The following RNFT2 variants were observed in gnomAD, a reference collection of about 807,000 sequenced individuals.
RNFT2 encodes the protein E3 ubiquitin-protein ligase RNFT2.
RNFT2 carries 36 observed loss-of-function variants against 53.0 expected under a neutral mutation model. The ratio of observed to expected loss-of-function variants is 0.68; its 90% confidence interval spans 0.52 to 0.90. The LOEUF is 0.90. Among genes scored for constraint, RNFT2 ranks in the 40% least tolerant of loss-of-function variants. The pLI is 0.00. For missense variants in RNFT2, 514 were observed against 585.6 expected (o/e 0.88, Z 1.26); for synonymous variants, 260 against 253.2 (o/e 1.03, Z -0.26).
intron 7 of RNFT2, among the ~76,000 whole-genome samples, chr12:116,810,709 A>AGCAAGGC (rs1193030898): frequency 4.6e-5 from 7 of 152,172 alleles, no homozygotes; most frequent in Non-Finnish European, 8.8e-5. Flanking sequence ...TCAATGATTA[A>AGCAAGGC]GCAAGGCAGC....
chr12:116,743,230 A>AAAAAAAAAAAAC (rs1871713390), intron 3 of RNFT2, among the ~76,000 whole-genome samples: 2 of 120,768 alleles, frequency 1.7e-5, no homozygotes, highest in Non-Finnish European at 3.4e-5. Context: ...AAAAAAAAAA[A>AAAAAAAAAAAAC]AAAAAAAAAA....
rs1410266758 is a variant in RNFT2, at chr12:116,786,407, G to A, written c.882+7059G>A. ...ATTACAGGCATGAGCCACCGCGCCC[G>A]GCCGAGATCGGGTAGTTCTTACAGT... On this transcript the variant is annotated intron_variant, in intron 7 of 10. Transcript: ENST00000257575. 9.9e-5 allele frequency among the ~76,000 whole-genome samples: 15 copies of A among 152,232 alleles called. No homozygotes were observed. The East Asian group carries it at 1.7e-3, about 18-fold the overall frequency.
chr12:116,779,734 A>T (rs1164560112), intron 7 of RNFT2, among the ~76,000 whole-genome samples: 1 of 152,130 alleles, frequency 6.6e-6, no homozygotes, highest in Non-Finnish European at 1.5e-5. Context: ...CCAGGAGTTC[A>T]TTTTATAGAG....
At chr12:116,845,108 G>T (rs1877535150) in intron 10 of RNFT2, among the ~76,000 whole-genome samples, 1 of 151,942 alleles carries the variant, frequency 6.6e-6, no homozygotes, top group Middle Eastern at 3.4e-3. Flanking sequence ...GCCAGGCATG[G>T]TGGCACGTGC....
At position 116,826,890 on chromosome 12, in the gene RNFT2, T is replaced by C. The variant is rs146567981; in HGVS notation, c.883-6902T>C. Among the ~76,000 whole-genome samples the C allele has an allele frequency of 2.5e-3, 383 of 152,284 alleles. 3 individuals are homozygous for C. Among genetic ancestry groups the C allele is most frequent in the African/African-American group, 8.6e-3 (357 of 41,558 alleles). On this transcript the variant is annotated intron_variant, in intron 7 of 10. Transcript: ENST00000257575. ...ACAGTCCAGTGGGAGGGATGGATAG[T>C]AAAAATAATTTTTTAATATTGTGAA... is the stretch of plus-strand genomic sequence containing the variant.
intron 10 of RNFT2, among the ~76,000 whole-genome samples, chr12:116,838,468 C>T (rs554604120): frequency 2.4e-4 from 36 of 152,336 alleles, no homozygotes; most frequent in African/African-American, 8.2e-4. Context: ...TATTGCTAAA[C>T]TGCCCTCTGT....
chr12:116,772,541 G>A (rs1487775077), intron 6 of RNFT2, among the ~76,000 whole-genome samples: 3 of 151,944 alleles, frequency 2.0e-5, no homozygotes, highest in Non-Finnish European at 2.9e-5. Context: ...TCCTGACCTC[G>A]TGATCCACCC....
chr12:116,811,373 A>T (rs1168378980), intron 7 of RNFT2, among the ~76,000 whole-genome samples: 1 of 147,730 alleles, frequency 6.8e-6, no homozygotes, highest in African/African-American at 2.5e-5. Context: ...CAATGGGTGT[A>T]TTTTTTTTTT....
At chr12:116,842,270 T>C (rs899585988) in intron 10 of RNFT2, among the ~76,000 whole-genome samples, 1 of 151,908 alleles carries the variant, frequency 6.6e-6, no homozygotes, top group Admixed American at 6.6e-5. Flanking sequence ...CTTCACTGTA[T>C]CCTCCTTGTT....
chr12:116,767,315 C>T (rs1424196797), intron 6 of RNFT2, among the ~76,000 whole-genome samples: 4 of 151,872 alleles, frequency 2.6e-5, no homozygotes, highest in Non-Finnish European at 4.4e-5. Context: ...CCTCCCAGGG[C>T]TCAGGTGATC....
At chr12:116,805,121 CT>C (rs35830752) in intron 7 of RNFT2, among the ~76,000 whole-genome samples, 174 of 143,332 alleles carry the variant, frequency 1.2e-3, no homozygotes, top group Non-Finnish European at 1.9e-3. Flanking sequence ...AAGACATTGT[CT>C]TTTTTTTTTT....
At chr12:116,762,842 C>T (rs1463745297) in intron 5 of RNFT2, among the ~76,000 whole-genome samples, 2 of 152,138 alleles carry the variant, frequency 1.3e-5, no homozygotes, top group South Asian at 2.1e-4. Context: ...GAACACTTGA[C>T]CTCAGGTGAT....
At chr12:116,816,892 C>T (rs1001960822) in intron 7 of RNFT2, among the ~76,000 whole-genome samples, 16 of 152,188 alleles carry the variant, frequency 1.1e-4, no homozygotes, top group Non-Finnish European at 2.1e-4. Context: ...TTCTTAGAAA[C>T]CCCTTGTGTA....
intron 7 of RNFT2, among the ~76,000 whole-genome samples, chr12:116,785,132 G>T (rs1873871925): frequency 6.6e-6 from 1 of 151,938 alleles, no homozygotes; most frequent in African/African-American, 2.4e-5. Flanking sequence ...TCTTGCACAT[G>T]CCCTTCAGAC....
At chr12:116,842,719 A>C (rs950914652) in intron 10 of RNFT2, among the ~76,000 whole-genome samples, 1 of 151,898 alleles carries the variant, frequency 6.6e-6, no homozygotes, top group African/African-American at 2.4e-5. Flanking sequence ...GATTACAGGC[A>C]CCCACCACCA....
At position 116,851,744 on chromosome 12, in the gene RNFT2, A is replaced by T. The variant is rs1402210733; in HGVS notation, c.*2296A>T. ...TGACAGAGTGAGTGAGACTCTGTCT[A>T]AAAAAAAAAAGAAAGAAAGAAGGGA... On this transcript the variant is annotated 3_prime_UTR_variant, in exon 11 of 11. Coordinates refer to ENST00000257575, the MANE Select transcript of RNFT2 (RefSeq NM_001382266.1). 3 of 330,200 alleles carry T rather than the reference A, an allele frequency of 9.1e-6. No individual in the cohort carries two copies. The highest frequency in any genetic ancestry group is 2.3e-5 in the African/African-American group (1 of 43,188). The allele number at this position is 330,200 out of a possible 1,614,324, so 20.5% of individuals were successfully genotyped here.
chr12:116,762,050 G>T (rs761861083), intron 5 of RNFT2, among the ~76,000 whole-genome samples: 1 of 137,396 alleles, frequency 7.3e-6, no homozygotes, highest in Non-Finnish European at 1.5e-5. Flanking sequence ...CCGGGTGACA[G>T]AGTGAGACTG....
chr12:116,836,036 T>C lies in RNFT2; in HGVS notation c.1098+11T>C. On this transcript the variant is annotated intron_variant, in intron 9 of 10. Transcript: ENST00000257575. The stretch of plus-strand genomic sequence containing the variant: ...CTCTGTACCTCTCAGGTGAGTTGGC[T>C]TCAGGTGGTCCCCACCAGGGTCCTG... 3 of 1,613,976 alleles carry C rather than the reference T, an allele frequency of 1.9e-6. No homozygotes were observed. Among genetic ancestry groups the C allele is most frequent in the Non-Finnish European group, 1.7e-6 (2 of 1,179,868 alleles).
At chr12:116,846,638 T>C (rs1161365173) in intron 10 of RNFT2, among the ~76,000 whole-genome samples, 1 of 152,086 alleles carries the variant, frequency 6.6e-6, no homozygotes, top group African/African-American at 2.4e-5. Context: ...TAGATTTTTT[T>C]ATTATTATTT....
Sources: gnomAD v4.1 joint callset for allele counts (sites outside exome capture counted in the v4.1 genomes callset) on GRCh38, gnomAD v4.1.1 for gene constraint, MANE v1.5 for transcripts, NCBI Gene and HGNC (gene_info 2026-07-23, HGNC 2026-07-21) for gene names.